Variants in ABTB3 observed in about 807,000 individuals in gnomAD.
ABTB3 encodes ankyrin repeat- and BTB/POZ domain-containing protein 3.
the ABTB3 span, chr12:107,617,674 CAG>C: frequency 3.3e-4 from 172 of 523,666 alleles, 1 homozygote; most frequent in African/African-American, 3.0e-3. Flanking sequence ...TTTAAACTCA[CAG>C]AGAGACATCA....
the ABTB3 span, among the ~76,000 whole-genome samples, chr12:107,336,473 G>T: frequency 1.8e-5 from 1 of 54,528 alleles, no homozygotes; most frequent in African/African-American, 4.6e-4. Context: ...CTGAGCCTCA[G>T]TTTCCTCCCT....
the ABTB3 span, among the ~76,000 whole-genome samples, chr12:107,509,630 T>G: frequency 6.6e-6 from 1 of 152,180 alleles, no homozygotes; most frequent in South Asian, 2.1e-4. Context: ...GCCTGGGAGC[T>G]TCGGGGACAC....
the ABTB3 span, among the ~76,000 whole-genome samples, chr12:107,525,678 C>G: frequency 6.6e-6 from 1 of 152,202 alleles, no homozygotes; most frequent in Non-Finnish European, 1.5e-5. Context: ...CAGGGGACCA[C>G]CTCTGCAGAC....
At chr12:107,634,994 A>C in the ABTB3 span, 1 of 265,080 alleles carries the variant, frequency 3.8e-6, no homozygotes, top group Non-Finnish European at 7.0e-6. Context: ...TCCATTCTCT[A>C]TGAACTACAA....
At chr12:107,493,416 T>C in the ABTB3 span, among the ~76,000 whole-genome samples, 2 of 152,138 alleles carry the variant, frequency 1.3e-5, no homozygotes, top group African/African-American at 4.8e-5. Flanking sequence ...GGCAACGTTT[T>C]CCCAGCAAAC....
At chr12:107,495,925 GT>G in the ABTB3 span, among the ~76,000 whole-genome samples, 1 of 152,190 alleles carries the variant, frequency 6.6e-6, no homozygotes, top group Non-Finnish European at 1.5e-5. Flanking sequence ...ATGGCACATA[GT>G]AAGTACTAAA....
At chr12:107,441,002 G>A in the ABTB3 span, among the ~76,000 whole-genome samples, 2 of 152,188 alleles carry the variant, frequency 1.3e-5, no homozygotes, top group African/African-American at 4.8e-5. Flanking sequence ...GTTGAGGTTA[G>A]GGTTCAGTCC....
At chr12:107,581,429 A>C in the ABTB3 span, 3 of 762,634 alleles carry the variant, frequency 3.9e-6, no homozygotes, top group Non-Finnish European at 5.4e-6. Flanking sequence ...GCTGGGGTGG[A>C]GGCTCCCTGG....
At chr12:107,367,292 G>A in the ABTB3 span, among the ~76,000 whole-genome samples, 1 of 152,150 alleles carries the variant, frequency 6.6e-6, no homozygotes, top group Admixed American at 6.5e-5. Flanking sequence ...TGAGGAAAAG[G>A]AAACTCTGTG....
the ABTB3 span, among the ~76,000 whole-genome samples, chr12:107,380,510 AAAG>A: frequency 6.6e-6 from 1 of 152,156 alleles, no homozygotes; most frequent in African/African-American, 2.4e-5. Flanking sequence ...GTGTGGTCTG[AAAG>A]AGGACCACGC....
chr12:107,653,452 G>C, the ABTB3 span, among the ~76,000 whole-genome samples: 16,853 of 151,662 alleles, frequency 0.11, 1,194 homozygotes, highest in African/African-American at 0.19. Context: ...GGGGGCCAGA[G>C]CGTGCAGTGA....
At chr12:107,457,630 G>A in the ABTB3 span, among the ~76,000 whole-genome samples, 1 of 152,158 alleles carries the variant, frequency 6.6e-6, no homozygotes, top group Non-Finnish European at 1.5e-5. Flanking sequence ...CCAACACAGG[G>A]ACAGAGTCCT....
At chr12:107,543,840 C>A in the ABTB3 span, 2 of 1,158,540 alleles carry the variant, frequency 1.7e-6, no homozygotes, top group Non-Finnish European at 2.4e-6. Context: ...AAATAAGGGA[C>A]TGCAAGGACC....
the ABTB3 span, chr12:107,319,501 C>T: frequency 1.9e-6 from 3 of 1,589,114 alleles, no homozygotes; most frequent in South Asian, 2.3e-5. Flanking sequence ...CCGCACTGTC[C>T]CTCTACAACA....
the ABTB3 span, among the ~76,000 whole-genome samples, chr12:107,597,913 C>T: frequency 6.6e-6 from 1 of 152,194 alleles, no homozygotes; most frequent in Non-Finnish European, 1.5e-5. Flanking sequence ...GGAACACAGC[C>T]ACACCTATTT....
chr12:107,556,628 A>G, the ABTB3 span, among the ~76,000 whole-genome samples: 1 of 152,288 alleles, frequency 6.6e-6, no homozygotes, highest in South Asian at 2.1e-4. Context: ...GGCCAAAAAC[A>G]TTCTTGCCTT....
the ABTB3 span, among the ~76,000 whole-genome samples, chr12:107,334,624 C>T: frequency 9.2e-5 from 14 of 151,836 alleles, no homozygotes; most frequent in Non-Finnish European, 1.3e-4. Context: ...AGGAGTATCT[C>T]GGATTCAGGA....
chr12:107,625,083 T>G, the ABTB3 span, among the ~76,000 whole-genome samples: 6 of 152,366 alleles, frequency 3.9e-5, no homozygotes, highest in African/African-American at 1.2e-4. Flanking sequence ...AAATGGCTAA[T>G]GATGTTGAAT....
the ABTB3 span, among the ~76,000 whole-genome samples, chr12:107,457,761 C>T: frequency 6.6e-6 from 1 of 152,250 alleles, no homozygotes; most frequent in Admixed American, 6.5e-5. Flanking sequence ...TCCTGTTCTT[C>T]CATCTGTACC....
Sources: allele counts gnomAD v4.1 joint callset (sites outside exome capture counted in the v4.1 genomes callset), GRCh38; gene constraint gnomAD v4.1.1; transcripts MANE v1.5; gene names NCBI Gene and HGNC (gene_info 2026-07-23, HGNC 2026-07-21).